The following ZNF407 variants were observed in gnomAD, a reference collection of about 807,000 sequenced individuals.
ZNF407 encodes the protein zinc finger protein 407.
ZNF407 carries 17 observed loss-of-function variants against 131.2 expected under a neutral mutation model. The observed-to-expected ratio is 0.13, with a 90% CI of 0.09 to 0.19. The LOEUF is 0.19. ZNF407 is among the 10% of genes least tolerant of loss of function. The pLI is 1.00. For missense variants in ZNF407, 2,681 were observed against 2,830.6 expected (o/e 0.95, Z 1.20); for synonymous variants, 1,156 against 1,062.0 (o/e 1.09, Z -1.72).
chr18:74,931,595 C>T (rs947205662), intron 8 of ZNF407, among the ~76,000 whole-genome samples: 1 of 152,086 alleles, frequency 6.6e-6, no homozygotes. Flanking sequence ...TATAAGATCT[C>T]ATTTCCTTGG....
intron 4 of ZNF407, among the ~76,000 whole-genome samples, chr18:74,813,575 G>A (rs754703760): frequency 2.6e-5 from 4 of 152,080 alleles, no homozygotes; most frequent in Non-Finnish European, 4.4e-5. Context: ...GGTGAGGGCC[G>A]GTATTTCTGC....
At chr18:74,719,868 G>A (rs1217939590) in intron 3 of ZNF407, among the ~76,000 whole-genome samples, 1 of 152,136 alleles carries the variant, frequency 6.6e-6, no homozygotes, top group Admixed American at 6.5e-5. Context: ...ATACTCCATT[G>A]CGTATATTCA....
At chr18:75,007,183 T>A (rs960737331) in intron 8 of ZNF407, among the ~76,000 whole-genome samples, 1 of 151,976 alleles carries the variant, frequency 6.6e-6, no homozygotes, top group Non-Finnish European at 1.5e-5. Context: ...TTACTGTTAG[T>A]ATTTTTTATT....
intron 8 of ZNF407, among the ~76,000 whole-genome samples, chr18:74,988,669 CA>C (rs1225381535): frequency 4.7e-5 from 7 of 149,924 alleles, no homozygotes; most frequent in South Asian, 2.1e-4. Flanking sequence ...AATAAACAAA[CA>C]AAAAAAATAG....
chr18:75,044,677 G>T (rs1973412268), intron 8 of ZNF407, among the ~76,000 whole-genome samples: 1 of 152,122 alleles, frequency 6.6e-6, no homozygotes, highest in Non-Finnish European at 1.5e-5. Context: ...CCATTGATAT[G>T]TTTGATAAGT....
chr18:74,970,732 C>T (rs1423176935), intron 8 of ZNF407, among the ~76,000 whole-genome samples: 2 of 152,138 alleles, frequency 1.3e-5, no homozygotes, highest in South Asian at 2.1e-4. Context: ...TCCAGGTGCA[C>T]GGTTCAAGCT....
chr18:74,624,015 G>A (rs950017231), intron 1 of ZNF407, among the ~76,000 whole-genome samples: 3 of 152,144 alleles, frequency 2.0e-5, no homozygotes, highest in African/African-American at 7.2e-5. Flanking sequence ...ATACTTGCCA[G>A]GTCTTCTCAA....
chr18:74,734,865 A>G (rs928113472), intron 3 of ZNF407, among the ~76,000 whole-genome samples: 6 of 152,104 alleles, frequency 3.9e-5, no homozygotes, highest in African/African-American at 1.4e-4. Flanking sequence ...ATTTTGGATA[A>G]TGTCTAGGAT....
In ZNF407 at chr18:74,700,280, C is replaced by T. The variant is rs927384506; in HGVS notation, c.4802+59158C>T. Among the ~76,000 whole-genome samples, 9 of 152,292 alleles carry T rather than the reference C, an allele frequency of 5.9e-5. No individual in the cohort carries two copies. In the East Asian group the frequency reaches 7.7e-4, roughly 13 times the overall value. The stretch of plus-strand genomic sequence containing the variant: ...TACATTTGAAACCTTTCACTTTCTT[C>T]GGAGAAAGTTCTAGATAAAGCCACC... On this transcript the variant is annotated intron_variant, in intron 3 of 8. Coordinates refer to ENST00000299687, the MANE Select transcript of ZNF407 (RefSeq NM_017757.3).
chr18:75,002,598 C>T (rs1000825738), intron 8 of ZNF407, among the ~76,000 whole-genome samples: 1 of 151,976 alleles, frequency 6.6e-6, no homozygotes, highest in Non-Finnish European at 1.5e-5. Context: ...GTCAGGAGAT[C>T]GAGACCATCC....
intron 4 of ZNF407, among the ~76,000 whole-genome samples, chr18:74,789,711 T>C (rs949887151): frequency 6.6e-6 from 1 of 152,192 alleles, no homozygotes; most frequent in Non-Finnish European, 1.5e-5. Flanking sequence ...ACCTCCTTTT[T>C]CCTGGTTTAC....
At chr18:74,976,284 CT>C (rs569459122) in intron 8 of ZNF407, among the ~76,000 whole-genome samples, 2 of 152,130 alleles carry the variant, frequency 1.3e-5, no homozygotes, top group Non-Finnish European at 2.9e-5. Context: ...ACATTAAAAG[CT>C]TTTTTTAAAG....
intron 4 of ZNF407, among the ~76,000 whole-genome samples, chr18:74,815,374 C>T (rs1015627003): frequency 2.6e-5 from 4 of 152,262 alleles, no homozygotes; most frequent in African/African-American, 9.6e-5. Flanking sequence ...CTCTGCTACC[C>T]AAGTAGCACA....
chr18:74,741,870 G>C (rs540643295), intron 3 of ZNF407, among the ~76,000 whole-genome samples: 1 of 152,070 alleles, frequency 6.6e-6, no homozygotes, highest in South Asian at 2.1e-4. Context: ...TGAAAAAGCT[G>C]CCCAGTTGGA....
chr18:74,812,768 C>T (rs529797180), intron 4 of ZNF407, among the ~76,000 whole-genome samples: 2 of 152,106 alleles, frequency 1.3e-5, no homozygotes, highest in South Asian at 2.1e-4. Flanking sequence ...GATCTGTTCT[C>T]GTTGTTCCTT....
At chr18:74,978,201 A>C (rs780185746) in intron 8 of ZNF407, among the ~76,000 whole-genome samples, 1 of 152,152 alleles carries the variant, frequency 6.6e-6, no homozygotes, top group Non-Finnish European at 1.5e-5. Context: ...AATGTGACCA[A>C]AGATTTGGAT....
At chr18:74,751,635 T>A (rs1225482981) in intron 3 of ZNF407, among the ~76,000 whole-genome samples, 1 of 152,096 alleles carries the variant, frequency 6.6e-6, no homozygotes, top group Non-Finnish European at 1.5e-5. Flanking sequence ...TGGTTTTCTG[T>A]CCTTGCAATA....
intron 8 of ZNF407, among the ~76,000 whole-genome samples, chr18:75,052,319 C>T (rs1380164788): frequency 2.6e-5 from 4 of 152,150 alleles, no homozygotes; most frequent in South Asian, 2.1e-4. Flanking sequence ...ACAGGAGTCG[C>T]GCGCTTATGC....
chr18:74,881,228 C>A, intron 6 of ZNF407, 109 bp downstream of exon 6: 1 of 982,000 alleles, frequency 1.0e-6, no homozygotes, highest in Non-Finnish European at 1.5e-6. Flanking sequence ...TTTATAACAT[C>A]TGTGCACTTG....
Sources: gnomAD v4.1 joint callset for allele counts (sites outside exome capture counted in the v4.1 genomes callset) on GRCh38, gnomAD v4.1.1 for gene constraint, MANE v1.5 for transcripts, NCBI Gene and HGNC (gene_info 2026-07-23, HGNC 2026-07-21) for gene names.